Variants in CWC22 observed in about 807,000 individuals in gnomAD.
The protein encoded by CWC22 is CWC22 spliceosome associated protein.
A neutral mutation model predicts 117.2 loss-of-function variants in CWC22; 53 were observed. The ratio of observed to expected loss-of-function variants is 0.45; its 90% CI spans 0.36 to 0.57. The LOEUF is 0.57. CWC22 is among the 20% of genes least tolerant of loss of function. The pLI is 0.00. For synonymous variants in CWC22, 360 were observed against 355.6 expected (o/e 1.01, Z -0.14); for missense variants, 980 against 1,068.8 (o/e 0.92, Z 1.16).
rs780977821 is a variant in CWC22 at position 179,965,887 on chromosome 2, C to T, written c.1306G>A (p.Asp436Asn). ...EEEEEEEGEE[D>N]EEGQKVTIHD... ...TATGCTACATGTTTACCTTCTTCAT[C>T]TTCTTCTCCCTCTTCCTCTTCTTCT... is the stretch of plus-strand genomic sequence containing the variant. Residue 436 changes from aspartate (D) to asparagine (N), a missense_variant, in exon 12 of 20, where the codon GAT (aspartate) becomes AAT (asparagine). Coordinates refer to ENST00000410053, the MANE Select transcript of CWC22 (RefSeq NM_020943.3). The T allele has an allele frequency of 6.6e-7, 1 of 1,525,914 alleles. No homozygotes were observed. The highest frequency in any genetic ancestry group is 9.1e-7 in the Non-Finnish European group (1 of 1,100,430). 94.5% of individuals were successfully genotyped at this position (1,525,914 alleles called of 1,614,324 possible).
At chr2:179,999,555 T>A (rs1687794505) in intron 1 of CWC22, among the ~76,000 whole-genome samples, 1 of 152,128 alleles carries the variant, frequency 6.6e-6, no homozygotes, top group Non-Finnish European at 1.5e-5. Flanking sequence ...ATCTCAAAAA[T>A]TAAGAAAATG....
intron 2 of CWC22, among the ~76,000 whole-genome samples, chr2:179,989,465 T>C (rs1458901842): frequency 1.3e-5 from 2 of 152,140 alleles, no homozygotes; most frequent in Non-Finnish European, 2.9e-5. Context: ...AAACTGACTC[T>C]AACATGTTTA....
At chr2:179,995,263 T>C (rs953493784) in intron 1 of CWC22, among the ~76,000 whole-genome samples, 3 of 152,236 alleles carry the variant, frequency 2.0e-5, no homozygotes, top group African/African-American at 7.2e-5. Context: ...CTCGATGCTA[T>C]ACCTTAGATA....
intron 11 of CWC22, among the ~76,000 whole-genome samples, chr2:179,968,801 C>T (rs1342561403): frequency 6.6e-6 from 1 of 151,918 alleles, no homozygotes; most frequent in Admixed American, 6.6e-5. Context: ...CTCCTGACCT[C>T]GTGATCCGCC....
chr2:179,991,678 T>C (rs1188684150), intron 2 of CWC22, among the ~76,000 whole-genome samples: 1 of 152,216 alleles, frequency 6.6e-6, no homozygotes. Context: ...CTGAGCGCTC[T>C]TGTCTAACAT....
rs1686253029 is a variant in CWC22, at chr2:179,944,998, G to T, written c.*131C>A. The T allele has an allele frequency of 1.6e-6, 1 of 630,518 alleles. No individual in the cohort carries two copies. The highest frequency in any genetic ancestry group is 3.0e-5 in the East Asian group (1 of 33,498). The allele number at this position is 630,518 out of a possible 1,614,324, so 39.1% of individuals were successfully genotyped here. On this transcript the variant is annotated 3_prime_UTR_variant, in exon 20 of 20. Transcript: ENST00000410053. ...TATCAATTATAAAACATGTTAAAAT[G>T]AAAACATTTTTTAAATTTACAAATA... is the stretch of plus-strand genomic sequence containing the variant.
rs1559290671 is a variant in CWC22 at position 179,971,085 on chromosome 2, A to G, written c.805-9T>C. The G allele has an allele frequency of 6.6e-7, 1 of 1,524,242 alleles. No homozygotes were observed. 94.4% of individuals were successfully genotyped at this position (1,524,242 alleles called of 1,614,324 possible). A position where few individuals can be genotyped will look rare whatever the true frequency, so the allele number is the denominator to read the frequency against. ...CATAATACTTCGTGTGCCTTAAATA[A>G]AATACATATACAAGGAAGAAACAAA... On this transcript the variant is annotated splice_polypyrimidine_tract_variant and intron_variant, in intron 8 of 19. Coordinates refer to ENST00000410053, the MANE Select transcript of CWC22 (RefSeq NM_020943.3).
At position 180,006,358 on chromosome 2, in the gene CWC22, T is replaced by C. The variant is rs147091219; in HGVS notation, c.-114+509A>G. On this transcript the variant is annotated intron_variant, in intron 1 of 19. Transcript: ENST00000410053. ...ATATTTCCGTTATATAATGCTGTGT[T>C]GTAGGACCCAGAGCTCGTTAGAGAG... Among the ~76,000 whole-genome samples, 430 of 152,310 alleles carry C rather than the reference T, an allele frequency of 2.8e-3. 8 individuals carry two copies. Among genetic ancestry groups the C allele is most frequent in the Middle Eastern group, 3.4e-3 (1 of 294 alleles).
At position 179,993,081 on chromosome 2, in the gene CWC22, C is replaced by G. The variant is rs759923090; in HGVS notation, c.27+234G>C. 5.7e-4 allele frequency among the ~76,000 whole-genome samples: 87 copies of G among 152,304 alleles called. 1 individual carries two copies. Among genetic ancestry groups the G allele is most frequent in the Admixed American group, 3.7e-3 (56 of 15,308 alleles). ...ACTGCCCTCTTGCACACTAATACTT[C>G]CATATAGCTAAGTATCTACATTTAA... On this transcript the variant is annotated intron_variant, in intron 2 of 19. Transcript: ENST00000410053.
At position 179,954,212 on chromosome 2, in the gene CWC22, G is replaced by C. The variant is rs773217796; in HGVS notation, c.1682C>G (p.Pro561Arg). 6.2e-7 allele frequency: 1 copy of C among 1,609,318 alleles called. No individual in the cohort carries two copies. ...FAHLLYTDSL[P>R]WSVLECIKLS... is the part of the protein sequence containing the mutation. ...ATTGACCCATGTACTTACACTCCAT[G>C]GAAGTGAATCAGTGTATAAAAGGTG... Residue 561 changes from proline (P) to arginine (R), a missense_variant, in exon 16 of 20, where the codon CCA (proline) becomes CGA (arginine). Coordinates refer to ENST00000410053, the MANE Select transcript of CWC22 (RefSeq NM_020943.3).
chr2:179,978,343 G>A, intron 5 of CWC22, 25 bp from the exon 6 acceptor site: 2 of 1,423,270 alleles, frequency 1.4e-6, no homozygotes, highest in Non-Finnish European at 1.8e-6. Flanking sequence ...TTTTAATAAA[G>A]ATTAAAACTT....
At position 179,954,868 on chromosome 2, in the gene CWC22, T is replaced by C. The variant is rs1436792177; in HGVS notation, c.1536+89A>G. 10 of 810,962 alleles carry C rather than the reference T, an allele frequency of 1.2e-5. No individual in the cohort carries two copies. The Admixed American group carries it at 1.6e-4, about 13-fold the overall frequency. The allele number at this position is 810,962 out of a possible 1,614,324, so 50.2% of individuals were successfully genotyped here. A position where few individuals can be genotyped will look rare whatever the true frequency, so the allele number is the denominator to read the frequency against. ...TTTGCTTTTAGCAAAAGTGGTAATA[T>C]GTTTTTAAATGAGACCAGACCATAA... is the stretch of plus-strand genomic sequence containing the variant. On this transcript the variant is annotated intron_variant, in intron 15 of 19. Coordinates refer to ENST00000410053, the MANE Select transcript of CWC22 (RefSeq NM_020943.3).
At chr2:179,955,543 C>T (rs991276900) in intron 14 of CWC22, among the ~76,000 whole-genome samples, 2 of 151,808 alleles carry the variant, frequency 1.3e-5, no homozygotes, top group Admixed American at 1.3e-4. Context: ...ATAAAGTTAA[C>T]GTTGATAAAG....
intron 4 of CWC22, 86 bp downstream of exon 4, chr2:179,986,609 A>G: frequency 1.4e-6 from 1 of 700,760 alleles, no homozygotes; most frequent in Non-Finnish European, 2.4e-6. Flanking sequence ...GTTAGCTAGT[A>G]TTATTTTTGT....
chr2:179,989,116 T>C (rs1687495844), intron 2 of CWC22, among the ~76,000 whole-genome samples: 1 of 151,892 alleles, frequency 6.6e-6, no homozygotes, highest in African/African-American at 2.4e-5. Context: ...TAAAACCCAT[T>C]GTATCATTCT....
At chr2:179,967,468 A>C (rs1255632715) in intron 11 of CWC22, among the ~76,000 whole-genome samples, 4 of 152,184 alleles carry the variant, frequency 2.6e-5, no homozygotes, top group Non-Finnish European at 5.9e-5. Context: ...TTTCATAATA[A>C]TACCAAGACA....
At chr2:179,990,091 CACTA>C (rs1209706787) in intron 2 of CWC22, among the ~76,000 whole-genome samples, 1 of 152,046 alleles carries the variant, frequency 6.6e-6, no homozygotes, top group Non-Finnish European at 1.5e-5. Context: ...GAATAGTATC[CACTA>C]ACTAATTTAT....
At chr2:179,955,863 T>C (rs1686576956) in intron 14 of CWC22, among the ~76,000 whole-genome samples, 1 of 151,928 alleles carries the variant, frequency 6.6e-6, no homozygotes, top group Admixed American at 6.6e-5. Flanking sequence ...ATGTCATAGA[T>C]GAAAAAACTC....
chr2:179,958,097 G>A (rs981751285), intron 14 of CWC22, among the ~76,000 whole-genome samples: 6 of 151,944 alleles, frequency 3.9e-5, no homozygotes, highest in East Asian at 3.9e-4. Flanking sequence ...TTGGGAGGCC[G>A]AGGCAGGCAG....
Sources: gnomAD v4.1 joint callset for allele counts (sites outside exome capture counted in the v4.1 genomes callset) on GRCh38, gnomAD v4.1.1 for gene constraint, MANE v1.5 for transcripts, NCBI Gene and HGNC (gene_info 2026-07-23, HGNC 2026-07-21) for gene names.